Variants in COL21A1 observed in about 807,000 individuals in gnomAD.
COL21A1 encodes the protein collagen type XXI alpha 1 chain, also known as collagen alpha-1(XXI) chain.
COL21A1 carries 149 observed loss-of-function variants against 137.9 expected under a neutral mutation model. The observed-to-expected ratio is 1.08, with a 90% CI of 0.95 to 1.24. The LOEUF (loss-of-function observed/expected upper bound fraction) is 1.24, where lower values mean the gene tolerates loss of function less well. Ranked by LOEUF, COL21A1 falls within the 50% of genes most tolerant of loss-of-function variation. The pLI, the probability that COL21A1 is intolerant of heterozygous loss-of-function variation, is 0.00. For synonymous variants in COL21A1, 456 were observed against 391.5 expected, an observed-to-expected ratio of 1.16 and a Z score of -1.95; for missense variants, 1,167 against 1,158.4, an observed-to-expected ratio of 1.01 and a Z score of -0.11.
chr6:56,111,064 A>G (rs906227244), intron 16 of COL21A1, among the ~76,000 whole-genome samples: 2 of 151,892 alleles, frequency 1.3e-5, no homozygotes, highest in African/African-American at 4.8e-5. Context: ...GGTGATCATC[A>G]TTAATATCAC....
chr6:56,061,132 T>C (rs557754724), intron 25 of COL21A1, 95 bp from the exon 26 acceptor site: 339 of 998,694 alleles, frequency 3.4e-4, no homozygotes, highest in Non-Finnish European at 4.3e-4. Flanking sequence ...TATGCATGTA[T>C]ACATATGTAA....
intron 1 of COL21A1, among the ~76,000 whole-genome samples, chr6:56,269,914 A>C (rs1010538978): frequency 2.0e-5 from 3 of 152,220 alleles, no homozygotes; most frequent in Non-Finnish European, 4.4e-5. Flanking sequence ...TCAGACTTAC[A>C]AGAGGTTCTT....
intron 1 of COL21A1, among the ~76,000 whole-genome samples, chr6:56,330,748 A>G (rs1017415356): frequency 1.3e-5 from 2 of 152,022 alleles, no homozygotes; most frequent in Admixed American, 6.6e-5. Context: ...TTGTGAATGG[A>G]GCTGTGATGA....
chr6:56,362,472 A>G (rs1765995759), intron 1 of COL21A1, among the ~76,000 whole-genome samples: 1 of 152,194 alleles, frequency 6.6e-6, no homozygotes, highest in Non-Finnish European at 1.5e-5. Context: ...AAAGGACTCA[A>G]TGGTTTAAAA....
rs139522464 is a variant in COL21A1 at position 56,262,873 on chromosome 6, A to G, written c.-38-80217T>C. Among the ~76,000 whole-genome samples, 450 of 152,332 alleles carry G rather than the reference A, an allele frequency of 3.0e-3. 2 individuals are homozygous for G. Among genetic ancestry groups the G allele is most frequent in the African/African-American group, 0.01 (429 of 41,584 alleles). ...GGGAAGATGTTATAAGGACTACTCCAGCTAGAAAGCAAGGTGAGGACACAG... is the reference window on the plus strand; with the variant it reads ...GGGAAGATGTTATAAGGACTACTCCGGCTAGAAAGCAAGGTGAGGACACAG... On this transcript the variant is annotated intron_variant, in intron 1 of 28. Coordinates refer to the COL21A1 transcript ENST00000370819.
intron 1 of COL21A1, among the ~76,000 whole-genome samples, chr6:56,302,332 T>C (rs1030979151): frequency 6.6e-6 from 1 of 152,200 alleles, no homozygotes; most frequent in Non-Finnish European, 1.5e-5. Context: ...TGCACTAGTT[T>C]ACAGTCCCAC....
intron 1 of COL21A1, among the ~76,000 whole-genome samples, chr6:56,335,758 T>G (rs1383887369): frequency 1.3e-5 from 2 of 152,258 alleles, no homozygotes; most frequent in Admixed American, 1.3e-4. Context: ...TTTTCTCATT[T>G]GTTTGGGCTT....
At chr6:56,219,714 A>G (rs1171364575) in intron 1 of COL21A1, among the ~76,000 whole-genome samples, 1 of 152,174 alleles carries the variant, frequency 6.6e-6, no homozygotes, top group Non-Finnish European at 1.5e-5. Context: ...TCGTGATATC[A>G]TCAGGATACA....
intron 17 of COL21A1, among the ~76,000 whole-genome samples, chr6:56,082,349 A>T (rs2114158139): frequency 6.6e-6 from 1 of 152,058 alleles, no homozygotes; most frequent in African/African-American, 2.4e-5. Context: ...ACAAACAAGC[A>T]TGTATGTATA....
At chr6:56,124,039 C>A in intron 16 of COL21A1, 23 bp downstream of exon 16, 2 of 1,274,124 alleles carry the variant, frequency 1.6e-6, no homozygotes, top group South Asian at 1.6e-5. Flanking sequence ...TTGTTTTGTC[C>A]TTTTTTTTTT....
intron 7 of COL21A1, among the ~76,000 whole-genome samples, chr6:56,165,917 C>CACAT (rs71764354): frequency 4.1e-5 from 6 of 146,524 alleles, no homozygotes; most frequent in Admixed American, 1.3e-4. Context: ...TACACACACA[C>CACAT]ACACACACAC....
At chr6:56,118,359 A>G (rs1255582919) in intron 16 of COL21A1, among the ~76,000 whole-genome samples, 5 of 152,038 alleles carry the variant, frequency 3.3e-5, no homozygotes, top group Non-Finnish European at 7.4e-5. Flanking sequence ...CTAGATACAT[A>G]CAACCTACTG....
intron 1 of COL21A1, among the ~76,000 whole-genome samples, chr6:56,292,440 G>A (rs911833674): frequency 1.4e-5 from 2 of 139,812 alleles, no homozygotes; most frequent in Middle Eastern, 4.6e-3. Flanking sequence ...AACTCACCAG[G>A]GAAATAGTAA....
chr6:56,101,388 G>A, intron 17 of COL21A1, 84 bp downstream of exon 17: 1 of 1,035,016 alleles, frequency 9.7e-7, no homozygotes. Flanking sequence ...TAGGGCATCT[G>A]AGAGAAGAAT....
intron 10 of COL21A1, among the ~76,000 whole-genome samples, chr6:56,146,338 C>T (rs1334662427): frequency 6.6e-6 from 1 of 151,998 alleles, no homozygotes; most frequent in Non-Finnish European, 1.5e-5. Flanking sequence ...TTTTAATGTC[C>T]ACTGTGGAAT....
chr6:56,152,662 C>A (rs759092459), intron 10 of COL21A1, among the ~76,000 whole-genome samples: 18 of 151,990 alleles, frequency 1.2e-4, no homozygotes, highest in Non-Finnish European at 2.5e-4. Context: ...TCCAGTGCTT[C>A]ATGCATGGGA....
chr6:56,359,562 C>T (rs1199235446), intron 1 of COL21A1, among the ~76,000 whole-genome samples: 1 of 152,102 alleles, frequency 6.6e-6, no homozygotes, highest in Non-Finnish European at 1.5e-5. Flanking sequence ...ACATTTCAAA[C>T]CTGAAAATAT....
chr6:56,339,187 T>G (rs6915143), intron 1 of COL21A1, among the ~76,000 whole-genome samples: 90,634 of 151,810 alleles, frequency 0.6, 27,635 homozygotes, highest in East Asian at 0.9. Flanking sequence ...CTCCAAAGCC[T>G]TCTTCCTTCA....
At chr6:56,133,488 GA>G (rs1211781853) in intron 12 of COL21A1, among the ~76,000 whole-genome samples, 2 of 152,200 alleles carry the variant, frequency 1.3e-5, no homozygotes, top group Non-Finnish European at 2.9e-5. Context: ...TTTGCAGCCT[GA>G]TAATGTGATA....
Sources: allele counts gnomAD v4.1 joint callset (sites outside exome capture counted in the v4.1 genomes callset), GRCh38; gene constraint gnomAD v4.1.1; transcripts MANE v1.5; gene names NCBI Gene and HGNC (gene_info 2026-07-23, HGNC 2026-07-21).